RTN4IP1: variants seen among roughly 807,000 people sequenced by gnomAD.
The protein encoded by RTN4IP1 is NAD(P)H oxidoreductase RTN4IP1, mitochondrial.
Under a neutral mutation model 46.6 loss-of-function variants are expected in RTN4IP1, and 32 were observed. The observed-to-expected ratio is 0.69, with a 90% CI of 0.52 to 0.92. RTN4IP1 has a LOEUF of 0.92. RTN4IP1 is among the 40% of genes least tolerant of loss of function. The pLI, the probability that RTN4IP1 is intolerant of heterozygous loss-of-function variation, is 0.00. For synonymous variants in RTN4IP1, 167 were observed against 161.8 expected, an observed-to-expected ratio of 1.03 and a Z score of -0.24; for missense variants, 424 against 485.8, an observed-to-expected ratio of 0.87 and a Z score of 1.20.
intron 5 of RTN4IP1, among the ~76,000 whole-genome samples, chr6:106,598,999 A>T (rs1052121890): frequency 6.6e-6 from 1 of 151,504 alleles, no homozygotes; most frequent in South Asian, 2.1e-4. Context: ...ATTTAGTTTT[A>T]CTTTTTTCCT....
intron 4 of RTN4IP1, among the ~76,000 whole-genome samples, chr6:106,609,467 T>C (rs1007725656): frequency 6.6e-6 from 1 of 152,180 alleles, no homozygotes; most frequent in Non-Finnish European, 1.5e-5. Context: ...AGTTTGAGGC[T>C]GCAGTGAGCA....
intron 4 of RTN4IP1, among the ~76,000 whole-genome samples, chr6:106,615,376 T>A (rs1776324837): frequency 6.6e-6 from 1 of 152,078 alleles, no homozygotes; most frequent in African/African-American, 2.4e-5. Flanking sequence ...TACACTTACA[T>A]GACAAAATTT....
rs1437564826 is a variant in RTN4IP1 at position 106,628,867 on chromosome 6, C to T, written c.155G>A (p.Gly52Glu). 1.9e-6 allele frequency: 3 copies of T among 1,614,074 alleles called. No homozygotes were observed. The highest frequency in any genetic ancestry group is 1.1e-5 in the South Asian group (1 of 91,088). The stretch of plus-strand genomic sequence containing the variant: ...AGTGAATCGAAGCACTTCATTCTTC[C>T]CATATTTATCTATCACCCAAGCAGG... ...VMPAWVIDKY[G>E]KNEVLRFTQN... The change falls in exon 1 of 9, where the codon GGG (glycine) becomes GAG (glutamate). Residue 52 changes from glycine (G) to glutamate (E), a missense_variant. By Grantham distance (98) the Gly-to-Glu change is moderately conservative. Transcript: ENST00000369063.
intron 4 of RTN4IP1, among the ~76,000 whole-genome samples, chr6:106,615,188 T>C (rs1352208240): frequency 2.6e-5 from 4 of 151,998 alleles, no homozygotes; most frequent in Non-Finnish European, 4.4e-5. Flanking sequence ...GTAATGGGCT[T>C]GGGGAGTGGG....
At position 106,625,627 on chromosome 6, in the gene RTN4IP1, C is replaced by T. The variant is rs117128062; in HGVS notation, c.275-2658G>A. On this transcript the variant is annotated intron_variant, in intron 1 of 8. Coordinates refer to ENST00000369063, the MANE Select transcript of RTN4IP1 (RefSeq NM_032730.5). ...AGCTCGAAGTGGGAACTGGGATGGA[C>T]AGAGGACTTTTGAGTGGCTTTTTTC... 7.1e-4 allele frequency among the ~76,000 whole-genome samples: 106 copies of T among 150,016 alleles called. No homozygotes were observed. The East Asian group carries it at 0.019, about 27-fold the overall frequency.
At chr6:106,624,178 C>A (rs1776570605) in intron 1 of RTN4IP1, among the ~76,000 whole-genome samples, 1 of 152,068 alleles carries the variant, frequency 6.6e-6, no homozygotes, top group Admixed American at 6.5e-5. Context: ...GCCTCAGCCT[C>A]CCGAGTAGCT....
At position 106,619,381 on chromosome 6, in the gene RTN4IP1, C is replaced by T; in HGVS notation, c.496-55G>A. ...GCAATGACTTGCAAACCTATGAACA[C>T]AATTAAGCACATTTACCTTCACAGG... On this transcript the variant is annotated intron_variant, in intron 3 of 8. Coordinates refer to ENST00000369063, the MANE Select transcript of RTN4IP1 (RefSeq NM_032730.5). The T allele has an allele frequency of 5.0e-6, 8 of 1,600,150 alleles. No individual in the cohort carries two copies. The South Asian group carries it at 7.8e-5, about 16-fold the overall frequency.
At chr6:106,623,272 C>A (rs961203000) in intron 1 of RTN4IP1, among the ~76,000 whole-genome samples, 3 of 152,128 alleles carry the variant, frequency 2.0e-5, no homozygotes, top group Non-Finnish European at 4.4e-5. Context: ...ATGGATGGAA[C>A]TGGGGGCCAT....
At chr6:106,602,123 C>T (rs114362177) in intron 5 of RTN4IP1, among the ~76,000 whole-genome samples, 58 of 152,240 alleles carry the variant, frequency 3.8e-4, no homozygotes, top group African/African-American at 1.3e-3. Context: ...TCTATAAGTT[C>T]ACCCTTATGT....
At chr6:106,585,090 G>C (rs1775452871) in intron 7 of RTN4IP1, among the ~76,000 whole-genome samples, 1 of 152,194 alleles carries the variant, frequency 6.6e-6, no homozygotes, top group Non-Finnish European at 1.5e-5. Flanking sequence ...TATTACCCAA[G>C]GCAGCCTCTA....
intron 4 of RTN4IP1, among the ~76,000 whole-genome samples, chr6:106,616,384 T>C (rs998693109): frequency 6.6e-6 from 1 of 152,194 alleles, no homozygotes; most frequent in Admixed American, 6.5e-5. Context: ...GAAAGATTTG[T>C]CCTAATTTCA....
upstream of RTN4IP1, among the ~76,000 whole-genome samples, chr6:106,630,349 A>G (rs537238337): frequency 3.9e-5 from 6 of 152,248 alleles, no homozygotes; most frequent in African/African-American, 1.4e-4. Context: ...GTCTTAAAAA[A>G]GCTCTGGTAT....
At chr6:106,606,951 T>C (rs1167854272) in intron 4 of RTN4IP1, among the ~76,000 whole-genome samples, 1 of 151,904 alleles carries the variant, frequency 6.6e-6, no homozygotes, top group Non-Finnish European at 1.5e-5. Flanking sequence ...CAAAACAATA[T>C]GCACAAAAAT....
intron 6 of RTN4IP1, among the ~76,000 whole-genome samples, chr6:106,590,612 G>C (rs923880558): frequency 6.6e-6 from 1 of 150,424 alleles, no homozygotes; most frequent in Non-Finnish European, 1.5e-5. Context: ...CTACTTGGGG[G>C]GCTGAGGCAG....
chr6:106,574,957 C>T (rs900477006), intron 8 of RTN4IP1, among the ~76,000 whole-genome samples: 3 of 152,128 alleles, frequency 2.0e-5, no homozygotes, highest in African/African-American at 4.8e-5. Context: ...CAGCAATTCC[C>T]GTAAGTGACA....
intron 6 of RTN4IP1, among the ~76,000 whole-genome samples, chr6:106,591,576 G>A (rs997915228): frequency 2.0e-5 from 3 of 152,080 alleles, no homozygotes; most frequent in Admixed American, 6.5e-5. Flanking sequence ...CTCAGCTTCA[G>A]CTTGGTCTTG....
At chr6:106,597,177 T>C (rs994266710) in intron 5 of RTN4IP1, among the ~76,000 whole-genome samples, 1 of 152,234 alleles carries the variant, frequency 6.6e-6, no homozygotes, top group African/African-American at 2.4e-5. Flanking sequence ...CTATTCAATA[T>C]GTAATTTCAA....
chr6:106,619,555 T>C (rs1020768489), intron 3 of RTN4IP1, among the ~76,000 whole-genome samples: 6 of 151,822 alleles, frequency 4.0e-5, no homozygotes, highest in Admixed American at 1.3e-4. Context: ...ACAACAAGGA[T>C]GAAAATCTTT....
chr6:106,606,162 C>T (rs948678134), intron 4 of RTN4IP1, among the ~76,000 whole-genome samples: 1 of 152,212 alleles, frequency 6.6e-6, no homozygotes, highest in Non-Finnish European at 1.5e-5. Flanking sequence ...TGGCTCACGC[C>T]TGTAATCCCA....
Sources: allele counts gnomAD v4.1 joint callset (sites outside exome capture counted in the v4.1 genomes callset), GRCh38; gene constraint gnomAD v4.1.1; transcripts MANE v1.5; gene names NCBI Gene and HGNC (gene_info 2026-07-23, HGNC 2026-07-21).